NLGN1: variants seen among roughly 807,000 people sequenced by gnomAD.
NLGN1 encodes the protein neuroligin 1.
Under a neutral mutation model 65.5 loss-of-function variants are expected in NLGN1, and 12 were observed. The observed-to-expected ratio is 0.18, with a 90% confidence interval of 0.12 to 0.30. The LOEUF (loss-of-function observed/expected upper bound fraction) is 0.30, where lower values mean the gene tolerates loss of function less well. NLGN1 is among the 10% of genes least tolerant of loss of function. NLGN1 has a pLI of 1.00. For missense variants in NLGN1, 750 were observed against 1,007.1 expected (o/e 0.74, Z 3.46); for synonymous variants, 350 against 359.5 (o/e 0.97, Z 0.30).
At chr3:174,182,861 C>T (rs1730707611) in intron 4 of NLGN1, among the ~76,000 whole-genome samples, 2 of 152,160 alleles carry the variant, frequency 1.3e-5, no homozygotes, top group African/African-American at 2.4e-5. Flanking sequence ...CTGGCACAAT[C>T]TCACATTGCC....
intron 4 of NLGN1, among the ~76,000 whole-genome samples, chr3:174,169,865 A>G (rs1728195834): frequency 6.6e-6 from 1 of 152,240 alleles, no homozygotes; most frequent in African/African-American, 2.4e-5. Context: ...AGCTTTTCCC[A>G]GTGTCTTTCC....
At chr3:174,028,608 A>G (rs539722698) in intron 4 of NLGN1, among the ~76,000 whole-genome samples, 2 of 152,340 alleles carry the variant, frequency 1.3e-5, no homozygotes, top group South Asian at 4.1e-4. Context: ...TCACAGAGAT[A>G]TGGTTTGGAA....
At position 174,002,733 on chromosome 3, in the gene NLGN1, A is replaced by G. The variant is rs79497414; in HGVS notation, c.646+194901A>G. Among the ~76,000 whole-genome samples the G allele has an allele frequency of 6.0e-3, 908 of 152,252 alleles. 5 individuals carry two copies. The highest frequency in any genetic ancestry group is 0.023 in the East Asian group (121 of 5,176). On this transcript the variant is annotated intron_variant, in intron 4 of 6. Transcript: ENST00000457714. ...TTTTGCCTGGCAAAGAAGTCATTCT[A>G]TAGCACCCCCTGGGGGAAAAAAAAA...
At chr3:173,783,166 G>A (rs1275687022) in intron 3 of NLGN1, among the ~76,000 whole-genome samples, 1 of 152,164 alleles carries the variant, frequency 6.6e-6, no homozygotes, top group African/African-American at 2.4e-5. Context: ...GTGGATGAGG[G>A]AGAAGCATGA....
At chr3:173,485,330 T>C (rs529861506) in intron 2 of NLGN1, among the ~76,000 whole-genome samples, 3 of 152,194 alleles carry the variant, frequency 2.0e-5, no homozygotes, top group East Asian at 3.9e-4. Flanking sequence ...TTTAGCCATA[T>C]ACACATAACA....
intron 3 of NLGN1, among the ~76,000 whole-genome samples, chr3:173,772,843 G>T (rs917499573): frequency 1.1e-4 from 16 of 152,160 alleles, no homozygotes; most frequent in East Asian, 1.9e-4. Context: ...TAGGCTGCCA[G>T]ACTCCTCCTC....
intron 3 of NLGN1, among the ~76,000 whole-genome samples, chr3:173,785,089 G>A (rs2150338966): frequency 6.6e-6 from 1 of 152,244 alleles, no homozygotes. Flanking sequence ...GATACCCATA[G>A]TCTGACAACA....
chr3:173,702,384 G>C (rs1767360767), intron 3 of NLGN1, among the ~76,000 whole-genome samples: 1 of 150,130 alleles, frequency 6.7e-6, no homozygotes, highest in Non-Finnish European at 1.5e-5. Context: ...TAGGCGATCT[G>C]TAGTGAATCA....
At chr3:173,675,885 T>TCACACA (rs755774548) in intron 3 of NLGN1, among the ~76,000 whole-genome samples, 3 of 121,162 alleles carry the variant, frequency 2.5e-5, no homozygotes, top group African/African-American at 9.8e-5. Flanking sequence ...TCTCTCTCTC[T>TCACACA]CTCACACACA....
intron 3 of NLGN1, among the ~76,000 whole-genome samples, chr3:173,668,671 T>C (rs1762053238): frequency 6.6e-6 from 1 of 150,806 alleles, no homozygotes; most frequent in Non-Finnish European, 1.5e-5. Context: ...CCAGGCTGGA[T>C]GGAGTGCAGT....
intron 2 of NLGN1, among the ~76,000 whole-genome samples, chr3:173,558,968 G>A (rs9842389): frequency 0.43 from 65,610 of 151,694 alleles, 14,046 homozygotes; most frequent in East Asian, 0.74. Context: ...AGGAATCCTC[G>A]GTCAGAATTT....
At chr3:173,929,554 T>G (rs1743657613) in intron 4 of NLGN1, among the ~76,000 whole-genome samples, 1 of 148,498 alleles carries the variant, frequency 6.7e-6, no homozygotes, top group Non-Finnish European at 1.5e-5. Context: ...TGGAATATTT[T>G]ATAAATGATC....
At chr3:173,682,944 T>C (rs941878968) in intron 3 of NLGN1, among the ~76,000 whole-genome samples, 1 of 152,232 alleles carries the variant, frequency 6.6e-6, no homozygotes, top group African/African-American at 2.4e-5. Flanking sequence ...AGGAGTTTAC[T>C]CCAGCATGAG....
chr3:174,060,987 AGACCTTGG>A (rs1377934259), intron 4 of NLGN1, among the ~76,000 whole-genome samples: 1 of 152,090 alleles, frequency 6.6e-6, no homozygotes, highest in Non-Finnish European at 1.5e-5. Context: ...TTGCCTTATC[AGACCTTGG>A]GAGATATACT....
At chr3:174,081,597 GTTT>G (rs58453866) in intron 4 of NLGN1, among the ~76,000 whole-genome samples, 309 of 121,998 alleles carry the variant, frequency 2.5e-3, no homozygotes, top group African/African-American at 6.4e-3. Context: ...TGATTAGGTT[GTTT>G]TTTTTTTTTT....
chr3:174,234,296 G>A (rs1741254862), intron 4 of NLGN1, among the ~76,000 whole-genome samples: 1 of 152,110 alleles, frequency 6.6e-6, no homozygotes, highest in Admixed American at 6.5e-5. Context: ...CCTTTGACTT[G>A]GGGTTTTACG....
At chr3:174,018,344 A>T (rs567632629) in intron 4 of NLGN1, among the ~76,000 whole-genome samples, 2 of 152,162 alleles carry the variant, frequency 1.3e-5, no homozygotes, top group Non-Finnish European at 2.9e-5. Flanking sequence ...AGATGACAGG[A>T]TTACGAGATT....
chr3:173,621,781 G>C (rs7639431), intron 3 of NLGN1, among the ~76,000 whole-genome samples: 63 of 152,104 alleles, frequency 4.1e-4, no homozygotes, highest in African/African-American at 1.4e-3. Flanking sequence ...GATTGGAAAT[G>C]AAATGGTTGG....
chr3:173,977,111 ACACACACACACG>A (rs1170298934), intron 4 of NLGN1, among the ~76,000 whole-genome samples: 1 of 142,502 alleles, frequency 7.0e-6, no homozygotes, highest in Non-Finnish European at 1.5e-5. Context: ...ACACACGCAC[ACACACACACACG>A]CACACACACA....
Sources: gnomAD v4.1 joint callset for allele counts (sites outside exome capture counted in the v4.1 genomes callset) on GRCh38, gnomAD v4.1.1 for gene constraint, MANE v1.5 for transcripts, NCBI Gene and HGNC (gene_info 2026-07-23, HGNC 2026-07-21) for gene names.